The following PALB2 variants were observed in gnomAD, a reference collection of about 807,000 sequenced individuals.
PALB2 encodes the protein mutant partner and localizer of BRCA2.
Under a neutral mutation model 107.4 loss-of-function variants are expected in PALB2, and 82 were observed. The observed-to-expected ratio is 0.76, with a 90% CI of 0.64 to 0.92. The LOEUF (loss-of-function observed/expected upper bound fraction) is 0.92, where lower values mean the gene tolerates loss of function less well. PALB2 is among the 40% of genes least tolerant of loss of function. The pLI is 0.00. For synonymous variants in PALB2, 489 were observed against 496.8 expected (o/e 0.98, Z 0.21); for missense variants, 1,374 against 1,379.9 (o/e 1.00, Z 0.07).
chr16:23,617,090 C>T (rs1472860206), intron 10 of PALB2, among the ~76,000 whole-genome samples: 1 of 152,122 alleles, frequency 6.6e-6, no homozygotes. Flanking sequence ...GCTGGGATTA[C>T]AGGCGTGAGC....
Position 23,635,516 on chromosome 16 carries a change from T to G in PALB2, c.1030A>C (p.Asn344His). 6.2e-7 allele frequency: 1 copy of G among 1,613,854 alleles called. No individual in the cohort carries two copies. Among genetic ancestry groups the G allele is most frequent in the Non-Finnish European group, 8.5e-7 (1 of 1,179,906 alleles). ...YNNLPANENQ[N>H]LKEQNQTEKS... The stretch of plus-strand genomic sequence containing the variant: ...TCTGTTTGATTTTGTTCTTTTAAGT[T>G]TTGGTTTTCATTTGCTGGTAAGTTA... The change falls in exon 4 of 13, where the codon AAC (asparagine) becomes CAC (histidine). Residue 344 changes from asparagine to histidine, a missense_variant. Physicochemically the swap from Asn to His is moderately conservative, Grantham distance 68. Transcript: ENST00000261584.
In PALB2 at chr16:23,603,325, A is replaced by G. The variant is rs1202026462; in HGVS notation, c.*134T>C. On this transcript the variant is annotated 3_prime_UTR_variant, in exon 13 of 13. Transcript: ENST00000261584. ...AGTGGTGCTACCATCATTAGAATAA[A>G]AAATAAGTCTGTCTGGACATAAACA... 2.7e-6 allele frequency: 2 copies of G among 727,792 alleles called. No homozygotes were observed. The highest frequency in any genetic ancestry group is 3.5e-5 in the African/African-American group (2 of 56,552). The allele number at this position is 727,792 out of a possible 1,614,324, so 45.1% of individuals were successfully genotyped here.
intron 5 of PALB2, 113 bp downstream of exon 5, chr16:23,629,527 G>C (rs192353204): frequency 1.8e-6 from 2 of 1,082,288 alleles, no homozygotes; most frequent in East Asian, 2.4e-5. Context: ...AAAGAAACAC[G>C]TCAAACCATT....
intron 11 of PALB2, among the ~76,000 whole-genome samples, chr16:23,612,201 T>C (rs955164820): frequency 2.6e-5 from 4 of 152,142 alleles, no homozygotes; most frequent in South Asian, 2.1e-4. Context: ...TGTAACTAGA[T>C]TGTGAGTCAA....
rs975393158 is a variant in PALB2, at chr16:23,631,471, AAAAT to A, written c.1685-1006_1685-1003del. ...GCAACAGAGCGAGATTCTGTCTCAA[AAAAT>A]AAATAAATAAATAAAACCAAACCAA... On this transcript the variant is annotated intron_variant, in intron 4 of 12. Transcript: ENST00000261584. 3.3e-5 allele frequency among the ~76,000 whole-genome samples: 5 copies of A among 151,768 alleles called. No homozygotes were observed. In the South Asian group the frequency reaches 8.3e-4, roughly 25 times the overall value.
Position 23,607,993 on chromosome 16 carries a change from A to C in PALB2, c.3221T>G (p.Leu1074Arg), listed in dbSNP as rs1966512549. 1 of 1,614,046 alleles carries C rather than the reference A, an allele frequency of 6.2e-7. No homozygotes were observed. Among genetic ancestry groups the C allele is most frequent in the Non-Finnish European group, 8.5e-7 (1 of 1,179,900 alleles). ...YSEMGLLFIV[L>R]SHPCAKESES... ...ACTCTCTTTGGCACAGGGATGACTC[A>C]GGACAATAAAGAGAAGCCCCTAATT... Residue 1074 changes from leucine (L) to arginine (R), a missense_variant, in exon 12 of 13, where the codon CTG (leucine) becomes CGG (arginine). Physicochemically the swap from Leu to Arg is moderately radical, Grantham distance 102. Coordinates refer to ENST00000261584, the MANE Select transcript of PALB2 (RefSeq NM_024675.4).
chr16:23,605,836 A>G (rs754766996), intron 12 of PALB2: 4 of 152,258 alleles, frequency 2.6e-5, no homozygotes, highest in Non-Finnish European at 4.4e-5. Flanking sequence ...GGTTTTGTAA[A>G]ACAGGCCCCA....
At chr16:23,614,645 CTTTTTTT>C (rs1050495053) in intron 10 of PALB2, among the ~76,000 whole-genome samples, 1 of 107,150 alleles carries the variant, frequency 9.3e-6, no homozygotes, top group African/African-American at 3.8e-5. Flanking sequence ...CACTTCCCAG[CTTTTTTT>C]TTTTTTTTTT....
At chr16:23,611,805 G>A (rs774426397) in intron 11 of PALB2, among the ~76,000 whole-genome samples, 5 of 152,158 alleles carry the variant, frequency 3.3e-5, no homozygotes, top group Non-Finnish European at 7.3e-5. Flanking sequence ...CCAGGCTGGA[G>A]TACAGTGGTG....
chr16:23,634,228 TAAGTA>T (rs770801067), intron 4 of PALB2, among the ~76,000 whole-genome samples: 31 of 152,252 alleles, frequency 2.0e-4, no homozygotes, highest in Non-Finnish European at 3.8e-4. Context: ...TTAATTAAAT[TAAGTA>T]AAGTTATTTT....
chr16:23,641,309 G>A lies in PALB2; in HGVS notation c.-152C>T. On this transcript the variant is annotated 5_prime_UTR_variant, in exon 1 of 13. Coordinates refer to ENST00000261584, the MANE Select transcript of PALB2 (RefSeq NM_024675.4). The stretch of plus-strand genomic sequence containing the variant: ...GTGCGCGATCAGCTGACCCACGCGG[G>A]CCAAGCGCGCCCTAAACTCCGGCCA... 1 of 1,104,260 alleles carries A rather than the reference G, an allele frequency of 9.1e-7. No homozygotes were observed. Among genetic ancestry groups the A allele is most frequent in the Non-Finnish European group, 1.3e-6 (1 of 762,320 alleles). 68.4% of individuals were successfully genotyped at this position (1,104,260 alleles called of 1,614,324 possible).
chr16:23,635,213 T>C lies in PALB2; in HGVS notation c.1333A>G (p.Lys445Glu), dbSNP rs2142419116. 1 of 1,614,156 alleles carries C rather than the reference T, an allele frequency of 6.2e-7. No individual in the cohort carries two copies. ...AGGTTTAAATTTTTACTTGCATCCT[T>C]ATTTTTATTTTTAAACCCTTTTTTC... ...VKKKGFKNKN[K>E]DASKNLNLSN... Residue 445 changes from lysine (K) to glutamate (E), a missense_variant, in exon 4 of 13, where the codon AAG (lysine) becomes GAG (glutamate). Physicochemically the swap from Lys to Glu is moderately conservative, Grantham distance 56. Transcript: ENST00000261584.
chr16:23,627,865 T>C (rs575217329), intron 6 of PALB2, among the ~76,000 whole-genome samples: 1 of 152,356 alleles, frequency 6.6e-6, no homozygotes, highest in African/African-American at 2.4e-5. Context: ...TAATAATCTA[T>C]AAGAAGTAAC....
At chr16:23,639,996 G>A (rs1411729379) in intron 1 of PALB2, among the ~76,000 whole-genome samples, 5 of 151,952 alleles carry the variant, frequency 3.3e-5, no homozygotes, top group African/African-American at 4.8e-5. Context: ...AGCGATTCTC[G>A]TGCATCAGCC....
In PALB2 at chr16:23,613,892, T is replaced by C. The variant is rs376034945; in HGVS notation, c.3201+112A>G. ...AAAGGACAAACATTGCTATCCAATT[T>C]TGAAAAAAGATGCCACGGGGAAGGT... On this transcript the variant is annotated intron_variant, in intron 11 of 12. Coordinates refer to ENST00000261584, the MANE Select transcript of PALB2 (RefSeq NM_024675.4). 23 of 781,904 alleles carry C rather than the reference T, an allele frequency of 2.9e-5. No individual in the cohort carries two copies. The African/African-American group carries it at 3.8e-4, about 13-fold the overall frequency. 48.4% of individuals were successfully genotyped at this position (781,904 alleles called of 1,614,324 possible).
chr16:23,634,642 TA>T (rs1265648645), intron 4 of PALB2, among the ~76,000 whole-genome samples: 5 of 77,706 alleles, frequency 6.4e-5, no homozygotes, highest in African/African-American at 2.2e-4. Flanking sequence ...TCTTTATTTT[TA>T]TTTATTTATT....
At chr16:23,609,662 C>T (rs548384330) in intron 11 of PALB2, among the ~76,000 whole-genome samples, 5 of 152,032 alleles carry the variant, frequency 3.3e-5, no homozygotes, top group Admixed American at 6.6e-5. Context: ...GAACTACAGG[C>T]GCCCGCCACC....
At chr16:23,612,570 A>G (rs958985385) in intron 11 of PALB2, among the ~76,000 whole-genome samples, 31 of 130,718 alleles carry the variant, frequency 2.4e-4, no homozygotes, top group African/African-American at 9.2e-4. Flanking sequence ...TCTGTTGCCC[A>G]GGCTGGAGTA....
intron 11 of PALB2, among the ~76,000 whole-genome samples, chr16:23,610,785 C>A (rs982838261): frequency 6.6e-6 from 1 of 151,918 alleles, no homozygotes; most frequent in Non-Finnish European, 1.5e-5. Context: ...CGCCTGTAAT[C>A]CCAGCATTTT....
Sources: gnomAD v4.1 joint callset for allele counts (sites outside exome capture counted in the v4.1 genomes callset) on GRCh38, gnomAD v4.1.1 for gene constraint, MANE v1.5 for transcripts, NCBI Gene and HGNC (gene_info 2026-07-23, HGNC 2026-07-21) for gene names.